The following SPIRE1 variants were observed in gnomAD, a reference collection of about 807,000 sequenced individuals.
The protein encoded by SPIRE1 is spire type actin nucleation factor 1.
In SPIRE1, 40 loss-of-function variants were observed where a neutral mutation model predicts 94.1. That is an observed-to-expected ratio of 0.43 (90% confidence interval 0.33 to 0.55). The LOEUF (loss-of-function observed/expected upper bound fraction) is 0.55, where lower values mean the gene tolerates loss of function less well. Ranked by LOEUF, SPIRE1 falls within the 20% of genes least tolerant of loss-of-function variation. The pLI is 0.06. For missense variants in SPIRE1, 838 were observed against 975.2 expected (o/e 0.86, Z 1.87); for synonymous variants, 376 against 371.7 (o/e 1.01, Z -0.13).
Position 12,657,800 on chromosome 18 carries a change from G to A in SPIRE1, c.67C>T (p.Pro23Ser). 7.9e-7 allele frequency: 1 copy of A among 1,260,296 alleles called. No homozygotes were observed. The highest frequency in any genetic ancestry group is 1.0e-6 in the Non-Finnish European group (1 of 1,002,244). The allele number at this position is 1,260,296 out of a possible 1,614,324, so 78.1% of individuals were successfully genotyped here. The part of the protein sequence containing the change: ...PRTEAVGGEG[P>S]REPGAAGGAA... ...CCGCCGGCTGCCCCGGGCTCCCGCG[G>A]CCCCTCGCCGCCCACTGCCTCAGTC... is the stretch of plus-strand genomic sequence containing the variant. The change falls in exon 1 of 17, where the codon CCG becomes TCG. Residue 23 changes from proline to serine, a missense_variant. By Grantham distance (74) the Pro-to-Ser change is moderately conservative. Coordinates refer to ENST00000409402, the MANE Select transcript of SPIRE1 (RefSeq NM_001128626.2).
At chr18:12,488,162 C>T (rs993429755) in intron 8 of SPIRE1, among the ~76,000 whole-genome samples, 12 of 152,200 alleles carry the variant, frequency 7.9e-5, no homozygotes, top group Admixed American at 5.9e-4. Context: ...CACTGAATAT[C>T]GTTTGCCATA....
intron 5 of SPIRE1, among the ~76,000 whole-genome samples, chr18:12,510,611 C>T (rs185491370): frequency 5.3e-5 from 8 of 151,694 alleles, no homozygotes; most frequent in Non-Finnish European, 1.0e-4. Flanking sequence ...GGTGCGATCT[C>T]GGCTCACCCC....
chr18:12,617,297 C>A (rs1347610134), intron 2 of SPIRE1, among the ~76,000 whole-genome samples: 1 of 151,804 alleles, frequency 6.6e-6, no homozygotes, highest in Non-Finnish European at 1.5e-5. Context: ...TCACTGCAAC[C>A]TCCGCCTCCT....
chr18:12,601,137 T>C (rs893662984), intron 2 of SPIRE1, among the ~76,000 whole-genome samples: 2 of 152,068 alleles, frequency 1.3e-5, no homozygotes, highest in East Asian at 1.9e-4. Flanking sequence ...AACTGCTTTA[T>C]TGGCTGGGTG....
At chr18:12,480,112 C>T (rs2032784442) in intron 9 of SPIRE1, among the ~76,000 whole-genome samples, 1 of 152,028 alleles carries the variant, frequency 6.6e-6, no homozygotes, top group South Asian at 2.1e-4. Flanking sequence ...AAAAGGAATC[C>T]TACAGATAAC....
intron 7 of SPIRE1, among the ~76,000 whole-genome samples, chr18:12,495,148 C>G (rs1218890590): frequency 1.3e-5 from 2 of 151,234 alleles, no homozygotes; most frequent in African/African-American, 4.9e-5. Context: ...TGTATACAAA[C>G]TGAGAAATAC....
At position 12,657,643 on chromosome 18, in the gene SPIRE1, C is replaced by A; in HGVS notation, c.224G>T (p.Arg75Leu). The A allele has an allele frequency of 7.6e-7, 1 of 1,313,532 alleles. No homozygotes were observed. The highest frequency in any genetic ancestry group is 9.7e-7 in the Non-Finnish European group (1 of 1,029,804). The allele number at this position is 1,313,532 out of a possible 1,614,324, so 81.4% of individuals were successfully genotyped here. ...CCGSLRAAAR[R>L]RQPRHRVRSA... ...GCGCACACGGTGGCGGGGCTGGCGG[C>A]GGCGGGCGGCGGCGCGCAGGGAACC... The change falls in exon 1 of 17, where the codon CGC (arginine) becomes CTC (leucine). Residue 75 changes from arginine (R) to leucine (L), a missense_variant. Physicochemically the swap from Arg to Leu is moderately radical, Grantham distance 102. Around this residue, in one of 2 missense-constraint regions of SPIRE1, gnomAD observed 193 missense variants for 170.5 expected, o/e 1.13. Coordinates refer to ENST00000409402, the MANE Select transcript of SPIRE1 (RefSeq NM_001128626.2).
At chr18:12,537,927 A>G (rs574303014) in intron 3 of SPIRE1, among the ~76,000 whole-genome samples, 15 of 152,346 alleles carry the variant, frequency 9.8e-5, no homozygotes, top group African/African-American at 3.6e-4. Context: ...AACATTACCC[A>G]AAGTGATGAA....
chr18:12,641,432 G>A (rs183675342), intron 1 of SPIRE1, among the ~76,000 whole-genome samples: 4 of 150,676 alleles, frequency 2.7e-5, no homozygotes, highest in African/African-American at 7.3e-5. Flanking sequence ...GCAGTGGCAC[G>A]ATCTTGGCTT....
chr18:12,473,444 T>C (rs142298228), intron 10 of SPIRE1, among the ~76,000 whole-genome samples: 186 of 152,258 alleles, frequency 1.2e-3, no homozygotes, highest in African/African-American at 4.3e-3. Flanking sequence ...TTTATAATGG[T>C]AGAAAACTGG....
intron 2 of SPIRE1, among the ~76,000 whole-genome samples, chr18:12,553,259 C>T (rs933673150): frequency 6.6e-6 from 1 of 152,208 alleles, no homozygotes; most frequent in Non-Finnish European, 1.5e-5. Flanking sequence ...TGGGGTAGAG[C>T]ACCAAGTAGG....
chr18:12,463,085 A>G (rs1426034142), intron 12 of SPIRE1, among the ~76,000 whole-genome samples: 1 of 151,938 alleles, frequency 6.6e-6, no homozygotes, highest in Non-Finnish European at 1.5e-5. Flanking sequence ...TTTTTTTTGC[A>G]GAGACGGGAT....
chr18:12,527,733 AT>A (rs1176395991), intron 4 of SPIRE1, among the ~76,000 whole-genome samples: 1 of 152,082 alleles, frequency 6.6e-6, no homozygotes, highest in African/African-American at 2.4e-5. Context: ...CATAATCGGC[AT>A]CTTAAGGTTG....
intron 3 of SPIRE1, among the ~76,000 whole-genome samples, chr18:12,542,381 A>AGTC (rs2035039201): frequency 1.3e-5 from 2 of 152,230 alleles, no homozygotes; most frequent in Non-Finnish European, 2.9e-5. Flanking sequence ...TCAAGTGATT[A>AGTC]ATAGTCACAT....
chr18:12,614,755 T>C (rs1225765856), intron 2 of SPIRE1, among the ~76,000 whole-genome samples: 1 of 152,008 alleles, frequency 6.6e-6, no homozygotes, highest in Admixed American at 6.6e-5. Context: ...GAGGCAGAGG[T>C]TGCAGTGAGC....
chr18:12,601,027 T>C (rs2036819427), intron 2 of SPIRE1, among the ~76,000 whole-genome samples: 2 of 152,148 alleles, frequency 1.3e-5, no homozygotes, highest in South Asian at 2.1e-4. Flanking sequence ...TGGCCCATTA[T>C]CGTTAGTTAT....
At chr18:12,594,897 A>G (rs1234037616) in intron 2 of SPIRE1, among the ~76,000 whole-genome samples, 1 of 152,220 alleles carries the variant, frequency 6.6e-6, no homozygotes, top group East Asian at 1.9e-4. Context: ...GATGAAGACC[A>G]TTATGATGAT....
upstream of SPIRE1, chr18:12,658,464 G>A: frequency 2.3e-6 from 1 of 438,928 alleles, no homozygotes; most frequent in South Asian, 1.6e-5. Flanking sequence ...GCAAGAGGGT[G>A]TCGCATTTAT....
At chr18:12,640,057 T>C (rs2038044374) in intron 1 of SPIRE1, among the ~76,000 whole-genome samples, 1 of 152,186 alleles carries the variant, frequency 6.6e-6, no homozygotes, top group Admixed American at 6.5e-5. Context: ...AAATCTTAAA[T>C]ATTGATAATC....
Sources: allele counts gnomAD v4.1 joint callset (sites outside exome capture counted in the v4.1 genomes callset), GRCh38; gene constraint gnomAD v4.1.1; regional missense constraint gnomAD v4.1.1; transcripts MANE v1.5; gene names NCBI Gene and HGNC (gene_info 2026-07-23, HGNC 2026-07-21).